Variants in SOAT1 observed in about 807,000 individuals in gnomAD.
The protein encoded by SOAT1 is acyl-coenzyme A:cholesterol acyltransferase 1.
A neutral mutation model predicts 69.5 loss-of-function variants in SOAT1; 55 were observed. The observed-to-expected ratio is 0.79, with a 90% CI of 0.64 to 0.99. The LOEUF (loss-of-function observed/expected upper bound fraction) is 0.99. Among genes scored for constraint, SOAT1 ranks in the 50% least tolerant of loss-of-function variants. SOAT1 has a pLI of 0.00. For synonymous variants in SOAT1, 231 were observed against 224.7 expected (o/e 1.03, Z -0.25); for missense variants, 580 against 669.3 (o/e 0.87, Z 1.47).
chr1:179,326,146 A>G (rs1435440210), intron 3 of SOAT1, among the ~76,000 whole-genome samples: 1 of 152,208 alleles, frequency 6.6e-6, no homozygotes, highest in Non-Finnish European at 1.5e-5. Context: ...TTGGGGCACA[A>G]TGGCAAGAAA....
intron 3 of SOAT1, among the ~76,000 whole-genome samples, chr1:179,330,358 A>G (rs192221070): frequency 1.4e-4 from 21 of 152,222 alleles, no homozygotes; most frequent in Admixed American, 4.6e-4. Flanking sequence ...ATCTCAGAAG[A>G]CCAATCTTAG....
intron 1 of SOAT1, among the ~76,000 whole-genome samples, chr1:179,297,757 C>T (rs956259575): frequency 5.5e-5 from 8 of 145,428 alleles, no homozygotes; most frequent in African/African-American, 1.5e-4. Context: ...AAATGCCGGG[C>T]GCGGTGGCTC....
intron 2 of SOAT1, among the ~76,000 whole-genome samples, chr1:179,320,019 C>T (rs6675772): frequency 4.0e-5 from 6 of 151,708 alleles, no homozygotes; most frequent in Admixed American, 2.0e-4. Context: ...TATGGGTTGT[C>T]GTTTTACTTT....
At chr1:179,301,971 T>C (rs1326307453) in intron 1 of SOAT1, among the ~76,000 whole-genome samples, 2 of 152,174 alleles carry the variant, frequency 1.3e-5, no homozygotes, top group Non-Finnish European at 1.5e-5. Flanking sequence ...GACTTTGTTA[T>C]TAAATCATAC....
In SOAT1 at chr1:179,358,232, A is replaced by G. The variant is rs1167588195; in HGVS notation, c.*4591A>G. On this transcript the variant is annotated 3_prime_UTR_variant, in exon 16 of 16. Coordinates refer to ENST00000367619, the MANE Select transcript of SOAT1 (RefSeq NM_003101.6). ...TTTGACTATATTAGTCAAGCATATT[A>G]TTAAAGTTTAAAAAACTCTAAAACT... 1 of 152,234 alleles carries G rather than the reference A, an allele frequency of 6.6e-6. No homozygotes were observed. The highest frequency in any genetic ancestry group is 6.5e-5 in the Admixed American group (1 of 15,278). 9.4% of individuals were successfully genotyped at this position (152,234 alleles called of 1,614,324 possible).
At chr1:179,319,957 A>G (rs1403375893) in intron 2 of SOAT1, among the ~76,000 whole-genome samples, 1 of 151,860 alleles carries the variant, frequency 6.6e-6, no homozygotes, top group Non-Finnish European at 1.5e-5. Context: ...TTCTTTATGT[A>G]TTCTGGATAC....
In SOAT1 at chr1:179,350,309, G is replaced by A; in HGVS notation, c.1328G>A (p.Arg443Lys). The change falls in exon 14 of 16, where the codon AGA becomes AAA. Residue 443 changes from arginine to lysine, a missense_variant. Physicochemically the swap from Arg to Lys is conservative, Grantham distance 26. Coordinates refer to ENST00000367619, the MANE Select transcript of SOAT1 (RefSeq NM_003101.6). ...YKDFLWFFSK[R>K]FKSAAMLAVF... Reference sequence around the variant, plus strand: ...CTTTTTCTTTAGTTTTTCTCCAAGAGATTCAAATCTGCTGCCATGTTAGCT... The same window carrying A: ...CTTTTTCTTTAGTTTTTCTCCAAGAAATTCAAATCTGCTGCCATGTTAGCT... The A allele has an allele frequency of 6.2e-7, 1 of 1,611,210 alleles. No individual in the cohort carries two copies. The highest frequency in any genetic ancestry group is 1.1e-5 in the South Asian group (1 of 90,160).
intron 12 of SOAT1, among the ~76,000 whole-genome samples, chr1:179,347,920 C>T (rs986211512): frequency 2.6e-5 from 4 of 152,162 alleles, no homozygotes; most frequent in Non-Finnish European, 5.9e-5. Context: ...TTAACATAAG[C>T]ACATGGTTTC....
chr1:179,323,524 A>C, intron 3 of SOAT1, 29 bp downstream of exon 3: 1 of 1,587,054 alleles, frequency 6.3e-7, no homozygotes, highest in Non-Finnish European at 8.6e-7. Flanking sequence ...TAGAAACAAA[A>C]ATGTAGAGTT....
At chr1:179,346,810 C>T (rs1002292842) in intron 11 of SOAT1, among the ~76,000 whole-genome samples, 1 of 152,086 alleles carries the variant, frequency 6.6e-6, no homozygotes, top group African/African-American at 2.4e-5. Context: ...TAGCTTGCAC[C>T]GGTAGTCCCA....
At chr1:179,306,649 G>C (rs1425881964) in intron 2 of SOAT1, among the ~76,000 whole-genome samples, 1 of 151,906 alleles carries the variant, frequency 6.6e-6, no homozygotes, top group African/African-American at 2.4e-5. Flanking sequence ...TGGCTAACAC[G>C]GTGAAACCCC....
At chr1:179,323,532 G>A in intron 3 of SOAT1, 37 bp downstream of exon 3, 1 of 1,551,126 alleles carries the variant, frequency 6.4e-7, no homozygotes, top group African/African-American at 1.4e-5. Flanking sequence ...AAAATGTAGA[G>A]TTTTAGATAG....
At chr1:179,294,790 C>T (rs910866941) in intron 1 of SOAT1, among the ~76,000 whole-genome samples, 2 of 152,228 alleles carry the variant, frequency 1.3e-5, no homozygotes, top group South Asian at 2.1e-4. Flanking sequence ...GCTTCGGCCT[C>T]CCAAAGTGCT....
intron 3 of SOAT1, among the ~76,000 whole-genome samples, chr1:179,330,788 G>A (rs1459486729): frequency 1.3e-5 from 2 of 152,226 alleles, no homozygotes; most frequent in East Asian, 1.9e-4. Flanking sequence ...TAGTCATTTT[G>A]TCTGAGTTCC....
intron 7 of SOAT1, 73 bp from the exon 8 acceptor site, chr1:179,342,041 C>A: frequency 6.3e-7 from 1 of 1,596,538 alleles, no homozygotes; most frequent in Non-Finnish European, 8.5e-7. Flanking sequence ...ATCTATAATG[C>A]ATTTGACTAA....
At chr1:179,300,659 A>C (rs1185933092) in intron 1 of SOAT1, among the ~76,000 whole-genome samples, 2 of 152,208 alleles carry the variant, frequency 1.3e-5, no homozygotes, top group Non-Finnish European at 2.9e-5. Flanking sequence ...TTTAGTACAA[A>C]AATTAAGAAA....
At chr1:179,339,180 A>C (rs970228266) in intron 5 of SOAT1, among the ~76,000 whole-genome samples, 1 of 152,222 alleles carries the variant, frequency 6.6e-6, no homozygotes, top group African/African-American at 2.4e-5. Context: ...AGGGAGTAGA[A>C]TATGAATAGG....
Position 179,348,857 on chromosome 1 carries a change from C to A in SOAT1, c.1229C>A (p.Ser410Tyr). 2 of 1,601,288 alleles carry A rather than the reference C, an allele frequency of 1.2e-6. No individual in the cohort carries two copies. The highest frequency in any genetic ancestry group is 1.7e-6 in the Non-Finnish European group (2 of 1,169,776). Residue 410 changes from serine (S) to tyrosine (Y), a missense_variant, in exon 13 of 16, where the codon TCC becomes TAC. Coordinates refer to ENST00000367619, the MANE Select transcript of SOAT1 (RefSeq NM_003101.6). Reference protein sequence around the residue: ...DRMFYKDWWNSTSYSNYYRTW... With the variant: ...DRMFYKDWWNYTSYSNYYRTW... The stretch of plus-strand genomic sequence containing the variant: ...TTTTTCCCTCAGGATTGGTGGAACT[C>A]CACGTCATACTCCAACTATTATAGA...
intron 1 of SOAT1, among the ~76,000 whole-genome samples, chr1:179,295,365 A>T (rs902611982): frequency 2.0e-5 from 3 of 152,064 alleles, no homozygotes; most frequent in African/African-American, 7.2e-5. Context: ...AAATCACCCC[A>T]TCCCCATTAA....
Sources: gnomAD v4.1 joint callset for allele counts (sites outside exome capture counted in the v4.1 genomes callset) on GRCh38, gnomAD v4.1.1 for gene constraint, MANE v1.5 for transcripts, NCBI Gene and HGNC (gene_info 2026-07-23, HGNC 2026-07-21) for gene names.